CD34: variants seen among roughly 807,000 people sequenced by gnomAD.
CD34 encodes the protein CD34 molecule.
In CD34, 34 loss-of-function variants were observed where a neutral mutation model predicts 40.1. The observed-to-expected ratio is 0.85, with a 90% CI of 0.65 to 1.13. CD34 has a LOEUF of 1.13. Ranked by LOEUF, CD34 falls within the 50% of genes most tolerant of loss-of-function variation. The probability of loss-of-function intolerance (pLI) is 0.00; values close to 1 mark genes in which losing one functional copy is unlikely to be tolerated. For missense variants in CD34, 426 were observed against 466.9 expected (o/e 0.91, Z 0.81); for synonymous variants, 209 against 190.0 (o/e 1.10, Z -0.82).
chr1:207,910,855 G>GC, intron 1 of CD34, 147 bp downstream of exon 1: 2 of 704,156 alleles, frequency 2.8e-6, no homozygotes, highest in Non-Finnish European at 4.3e-6. Flanking sequence ...CGCTGGCCCC[G>GC]GGGGGAAGCA....
rs1428916629 is a variant in CD34, at chr1:207,897,590, A to G, written c.517-17T>C. 5.9e-6 allele frequency: 9 copies of G among 1,535,666 alleles called. No individual in the cohort carries two copies. The South Asian group carries it at 1.1e-4, about 18-fold the overall frequency. On this transcript the variant is annotated splice_polypyrimidine_tract_variant and intron_variant, in intron 3 of 7. Transcript: ENST00000310833. ...GATTTCTGCCTGTATTAAAACAAAAACAATAACAAAAACAAAGTAAATAAG... is the reference window on the plus strand; with the variant it reads ...GATTTCTGCCTGTATTAAAACAAAAGCAATAACAAAAACAAAGTAAATAAG...
chr1:207,904,022 G>A (rs1390896035), intron 1 of CD34, among the ~76,000 whole-genome samples: 1 of 152,184 alleles, frequency 6.6e-6, no homozygotes, highest in East Asian at 1.9e-4. Context: ...GCAAAGACAT[G>A]TGCAATACAT....
At chr1:207,893,728 C>G (rs769286799) in intron 4 of CD34, among the ~76,000 whole-genome samples, 35 of 152,134 alleles carry the variant, frequency 2.3e-4, no homozygotes, top group Admixed American at 6.5e-4. Flanking sequence ...AGATGTGGTA[C>G]TAAAGATAGG....
chr1:207,908,774 C>G (rs12730990), intron 1 of CD34, among the ~76,000 whole-genome samples: 14,504 of 152,222 alleles, frequency 0.095, 794 homozygotes, highest in East Asian at 0.14. Flanking sequence ...TGATCTCCCC[C>G]ACTTCCAACA....
chr1:207,909,981 T>G (rs1332283142), intron 1 of CD34, among the ~76,000 whole-genome samples: 1 of 152,182 alleles, frequency 6.6e-6, no homozygotes, highest in African/African-American at 2.4e-5. Flanking sequence ...GAGTACAGAA[T>G]TGGGAGCCCT....
At chr1:207,910,189 G>C (rs1662476969) in intron 1 of CD34, among the ~76,000 whole-genome samples, 1 of 152,052 alleles carries the variant, frequency 6.6e-6, no homozygotes, top group African/African-American at 2.4e-5. Context: ...GTGAGTGGGG[G>C]CAGTGTTCTA....
chr1:207,910,135 TA>T (rs1662475480), intron 1 of CD34, among the ~76,000 whole-genome samples: 1 of 152,114 alleles, frequency 6.6e-6, no homozygotes, highest in Non-Finnish European at 1.5e-5. Context: ...ATTTTTTTTT[TA>T]ACCGAAGTGA....
chr1:207,909,657 T>A (rs778334678), intron 1 of CD34, among the ~76,000 whole-genome samples: 9 of 152,196 alleles, frequency 5.9e-5, no homozygotes, highest in Non-Finnish European at 1.2e-4. Context: ...TCTGCCTGCC[T>A]CGGCCTCCCA....
In CD34 at chr1:207,887,430, G is replaced by A. The variant is rs541152627; in HGVS notation, c.*308C>T. 6.5e-6 allele frequency: 2 copies of A among 308,674 alleles called. No individual in the cohort carries two copies. Among genetic ancestry groups the A allele is most frequent in the East Asian group, 5.9e-5 (1 of 16,830 alleles). The allele number at this position is 308,674 out of a possible 1,614,324, so 19.1% of individuals were successfully genotyped here. A position where few individuals can be genotyped will look rare whatever the true frequency, so the allele number is the denominator to read the frequency against. On this transcript the variant is annotated 3_prime_UTR_variant, in exon 8 of 8. Coordinates refer to ENST00000310833, the MANE Select transcript of CD34 (RefSeq NM_001025109.2). ...CGGCAGAGAGGAGGGGGTAGGGGAA[G>A]GGGGTCCTGTGTGAGTGCTGCAAGG...
intron 1 of CD34, among the ~76,000 whole-genome samples, chr1:207,903,479 T>C (rs1662319367): frequency 6.6e-6 from 1 of 152,254 alleles, no homozygotes; most frequent in Non-Finnish European, 1.5e-5. Flanking sequence ...AAAGCTCTCT[T>C]CTGTTGTTTA....
chr1:207,888,992 C>A, intron 6 of CD34, 146 bp from the exon 7 acceptor site: 1 of 941,796 alleles, frequency 1.1e-6, no homozygotes, highest in South Asian at 1.5e-5. Context: ...TTGAGACTGA[C>A]GTCTCTTAAT....
chr1:207,900,800 A>G (rs1320231137), intron 1 of CD34, among the ~76,000 whole-genome samples: 1 of 152,202 alleles, frequency 6.6e-6, no homozygotes, highest in Non-Finnish European at 1.5e-5. Context: ...AATTTAATGC[A>G]TGTATGTATC....
In CD34 at chr1:207,889,580, C is replaced by T. The variant is rs766340156; in HGVS notation, c.639G>A (p.Val213=). 2 of 1,614,158 alleles carry T rather than the reference C, an allele frequency of 1.2e-6. No homozygotes were observed. Among genetic ancestry groups the T allele is most frequent in the Non-Finnish European group, 1.7e-6 (2 of 1,180,010 alleles). ...KKDRGEGLAR[V]LCGEEQADAD... ...CATCAGCCTGCTCCTCCCCACACAG[C>T]ACTCGGGCCAGGCCCTCTCCCCTGT... Residue 213 remains valine (V), a synonymous_variant, in exon 5 of 8, where the codon GTG becomes GTA. Coordinates refer to ENST00000310833, the MANE Select transcript of CD34 (RefSeq NM_001025109.2).
chr1:207,905,476 T>C (rs1242145846), intron 1 of CD34, among the ~76,000 whole-genome samples: 1 of 152,206 alleles, frequency 6.6e-6, no homozygotes, highest in African/African-American at 2.4e-5. Flanking sequence ...TAAGACAAAG[T>C]AGACCATCCA....
At chr1:207,890,463 G>A (rs2745954) in intron 4 of CD34, 45,945 of 153,792 alleles carry the variant, frequency 0.3, 7,353 homozygotes, top group Non-Finnish European at 0.35. Flanking sequence ...CTGCTGGGGT[G>A]TGTGACCATC....
At chr1:207,890,420 A>G (rs1662008565) in intron 4 of CD34, 1 of 173,126 alleles carries the variant, frequency 5.8e-6, no homozygotes, top group Non-Finnish European at 1.1e-5. Flanking sequence ...GAAATGCCTG[A>G]ACAGCCCTGA....
At chr1:207,890,944 C>A (rs771307689) in intron 4 of CD34, among the ~76,000 whole-genome samples, 6 of 152,146 alleles carry the variant, frequency 3.9e-5, no homozygotes, top group Non-Finnish European at 8.8e-5. Flanking sequence ...AGTCTGAATG[C>A]CACACTGAAC....
intron 4 of CD34, 147 bp downstream of exon 4, chr1:207,897,346 C>A: frequency 3.5e-6 from 2 of 567,106 alleles, no homozygotes; most frequent in East Asian, 5.6e-5. Flanking sequence ...AAACAGAAAG[C>A]TCAGTATTAA....
intron 1 of CD34, among the ~76,000 whole-genome samples, chr1:207,907,339 G>A (rs1403358814): frequency 6.6e-6 from 1 of 152,032 alleles, no homozygotes; most frequent in Non-Finnish European, 1.5e-5. Flanking sequence ...CTGGGCTCTG[G>A]AGTCCTATCA....
Sources: allele counts gnomAD v4.1 joint callset (sites outside exome capture counted in the v4.1 genomes callset), GRCh38; gene constraint gnomAD v4.1.1; transcripts MANE v1.5; gene names NCBI Gene and HGNC (gene_info 2026-07-23, HGNC 2026-07-21).